Variants in GBE1 observed in about 807,000 individuals in gnomAD.
GBE1 encodes the protein 1,4-alpha-glucan branching enzyme 1, also known as 1,4-alpha-glucan-branching enzyme.
A neutral mutation model predicts 88.8 loss-of-function variants in GBE1; 70 were observed. That is an observed-to-expected ratio of 0.79 (90% CI 0.65 to 0.96). The LOEUF is 0.96. Ranked by LOEUF, GBE1 falls within the 40% of genes least tolerant of loss-of-function variation. The pLI is 0.00. For missense variants in GBE1, 872 were observed against 871.0 expected (o/e 1.00, Z -0.01); for synonymous variants, 284 against 300.1 (o/e 0.95, Z 0.56).
intron 7 of GBE1, among the ~76,000 whole-genome samples, chr3:81,629,745 T>C (rs1166089008): frequency 1.3e-5 from 2 of 152,100 alleles, no homozygotes; most frequent in Non-Finnish European, 1.5e-5. Flanking sequence ...CTTTAAGTTT[T>C]AGGGTACATG....
intron 12 of GBE1, among the ~76,000 whole-genome samples, chr3:81,576,770 G>GT (rs1390231142): frequency 6.8e-6 from 1 of 146,444 alleles, no homozygotes; most frequent in African/African-American, 2.8e-5. Context: ...ACAAATTTCA[G>GT]TGACCCTGAG....
chr3:81,509,631 T>C (rs1244165442), intron 14 of GBE1: 10 of 151,876 alleles, frequency 6.6e-5, no homozygotes, highest in Non-Finnish European at 1.5e-4. Flanking sequence ...TGAGTGAGTG[T>C]CTTTTCATTA....
At chr3:81,710,029 T>C (rs1006228805) in intron 1 of GBE1, among the ~76,000 whole-genome samples, 1 of 152,180 alleles carries the variant, frequency 6.6e-6, no homozygotes, top group African/African-American at 2.4e-5. Flanking sequence ...TCTATATCAA[T>C]GTTTTAAATC....
At chr3:81,544,251 A>G (rs1369707505) in intron 12 of GBE1, among the ~76,000 whole-genome samples, 1 of 152,176 alleles carries the variant, frequency 6.6e-6, no homozygotes, top group East Asian at 1.9e-4. Context: ...AGGCTTAGAA[A>G]AGTCACATTT....
chr3:81,724,818 A>G (rs181625506), intron 1 of GBE1, among the ~76,000 whole-genome samples: 4 of 152,346 alleles, frequency 2.6e-5, no homozygotes, highest in Non-Finnish European at 4.4e-5. Flanking sequence ...TAAGCCCTCT[A>G]AAATAAAATG....
chr3:81,573,762 T>C lies in GBE1; in HGVS notation c.1618+4163A>G, dbSNP rs1218310733. Among the ~76,000 whole-genome samples the C allele has an allele frequency of 2.3e-3, 231 of 98,450 alleles. 1 individual carries two copies. The highest frequency in any genetic ancestry group is 0.02 in the East Asian group (37 of 1,808). The allele number at this position is 98,450 out of a possible 152,430, so 64.6% of individuals were successfully genotyped here. On this transcript the variant is annotated intron_variant, in intron 12 of 15. Transcript: ENST00000429644. ...TCTAAGTCAATTTGCCTTCTCTCTC[T>C]CTCTCTCTCTCTCTGTGTGTGTGTG...
intron 7 of GBE1, among the ~76,000 whole-genome samples, chr3:81,610,970 A>G (rs1014778690): frequency 2.6e-5 from 4 of 151,794 alleles, no homozygotes; most frequent in Admixed American, 1.3e-4. Flanking sequence ...TAAATGATTG[A>G]TTTTAAGATT....
intron 12 of GBE1, among the ~76,000 whole-genome samples, chr3:81,573,048 T>C (rs528078716): frequency 6.5e-4 from 99 of 152,304 alleles, no homozygotes; most frequent in African/African-American, 2.3e-3. Context: ...TTTTATTTTA[T>C]ATTTATTTTT....
At chr3:81,627,844 TGGTGCAA>T (rs1704440815) in intron 7 of GBE1, among the ~76,000 whole-genome samples, 1 of 151,784 alleles carries the variant, frequency 6.6e-6, no homozygotes, top group Non-Finnish European at 1.5e-5. Flanking sequence ...CAGTGGGCAG[TGGTGCAA>T]TCATACCTCA....
chr3:81,604,286 CTTT>C (rs775592244), intron 7 of GBE1, among the ~76,000 whole-genome samples: 1 of 54,932 alleles, frequency 1.8e-5, no homozygotes, highest in Admixed American at 2.1e-4. Context: ...TTCTTTCTTT[CTTT>C]TTTTTTTTTT....
At chr3:81,747,903 C>G (rs1706439998) in intron 1 of GBE1, among the ~76,000 whole-genome samples, 1 of 152,154 alleles carries the variant, frequency 6.6e-6, no homozygotes, top group Admixed American at 6.5e-5. Flanking sequence ...TCGGACTCAG[C>G]CCGCCTGCAC....
intron 1 of GBE1, among the ~76,000 whole-genome samples, chr3:81,736,362 G>C (rs2107210845): frequency 6.6e-6 from 1 of 152,212 alleles, no homozygotes; most frequent in East Asian, 1.9e-4. Flanking sequence ...AAATAACCAG[G>C]CAAATTGCTG....
intron 2 of GBE1, among the ~76,000 whole-genome samples, chr3:81,680,494 C>CAAAA (rs10711455): frequency 1.1e-5 from 1 of 94,700 alleles, no homozygotes; most frequent in Non-Finnish European, 2.2e-5. Context: ...GACTCCGTCT[C>CAAAA]AAAAAAAAAA....
intron 11 of GBE1, among the ~76,000 whole-genome samples, chr3:81,578,523 T>C: frequency 6.6e-6 from 1 of 151,072 alleles, no homozygotes; most frequent in Middle Eastern, 3.5e-3. Context: ...ATATATATAT[T>C]ATTTTGCTCA....
intron 7 of GBE1, among the ~76,000 whole-genome samples, chr3:81,610,752 G>T (rs1287571151): frequency 6.6e-6 from 1 of 152,120 alleles, no homozygotes; most frequent in Non-Finnish European, 1.5e-5. Context: ...GGGGCACCGT[G>T]TTCCACAGTG....
intron 14 of GBE1, among the ~76,000 whole-genome samples, chr3:81,529,922 CT>C (rs1471873469): frequency 6.6e-6 from 1 of 151,640 alleles, no homozygotes; most frequent in East Asian, 1.9e-4. Context: ...GAATCAGTCT[CT>C]CTCTCTCTCT....
At chr3:81,581,012 G>T (rs1428885168) in intron 11 of GBE1, among the ~76,000 whole-genome samples, 153 bp downstream of exon 11, 10 of 151,556 alleles carry the variant, frequency 6.6e-5, no homozygotes, top group Non-Finnish European at 1.3e-4. Flanking sequence ...TTCCTGTAAA[G>T]ATATATATTA....
chr3:81,567,656 T>C (rs747156980), intron 12 of GBE1, among the ~76,000 whole-genome samples: 3 of 152,232 alleles, frequency 2.0e-5, no homozygotes, highest in Non-Finnish European at 4.4e-5. Context: ...CTTTGTCTTA[T>C]GGCCAAAGAC....
rs541518226 is a variant in GBE1, at chr3:81,719,320, G to A, written c.144-13707C>T. Among the ~76,000 whole-genome samples, 41 of 152,170 alleles carry A rather than the reference G, an allele frequency of 2.7e-4. 1 individual carries two copies. In the South Asian group the frequency reaches 6.4e-3, roughly 24 times the overall value. ...CAACCTCCTCCTCCCTAGCTCAAGC[G>A]ATCCTCCCACCTCAGCCTCCCAAGT... On this transcript the variant is annotated intron_variant, in intron 1 of 15. Coordinates refer to ENST00000429644, the MANE Select transcript of GBE1 (RefSeq NM_000158.4).
Sources: allele counts gnomAD v4.1 joint callset (sites outside exome capture counted in the v4.1 genomes callset), GRCh38; gene constraint gnomAD v4.1.1; transcripts MANE v1.5; gene names NCBI Gene and HGNC (gene_info 2026-07-23, HGNC 2026-07-21).